The following WDFY4 variants were observed in gnomAD, a reference collection of about 807,000 sequenced individuals.
The protein encoded by WDFY4 is WDFY family member 4, also known as WD repeat- and FYVE domain-containing protein 4.
In WDFY4, 169 loss-of-function variants were observed where a neutral mutation model predicts 351.9. The ratio of observed to expected loss-of-function variants is 0.48; its 90% CI spans 0.42 to 0.55. The LOEUF (loss-of-function observed/expected upper bound fraction) is 0.55, where lower values mean the gene tolerates loss of function less well. WDFY4 is among the 20% of genes least tolerant of loss of function. The probability of loss-of-function intolerance (pLI) is 0.00; values close to 1 mark genes in which losing one functional copy is unlikely to be tolerated. For synonymous variants in WDFY4, 1,622 were observed against 1,574.6 expected (o/e 1.03, Z -0.71); for missense variants, 3,803 against 3,935.6 (o/e 0.97, Z 0.90).
rs1311639409 is a variant in WDFY4 at position 48,805,297 on chromosome 10, C to G, written c.4522C>G (p.Gln1508Glu). ...GAATGCTGAAGCTGCCCACCAGGCA[C>G]AGCTTATACCCAAGCTCATCTTCCT... ...PRNAEAAHQA[Q>E]LIPKLIFLFN... Residue 1508 changes from glutamine to glutamate, a missense_variant, in exon 26 of 62, where the codon CAG (glutamine) becomes GAG (glutamate). Around this residue, in one of 3 missense-constraint regions of WDFY4, gnomAD observed 3,054 missense variants for 3,148.6 expected, o/e 0.97. Coordinates refer to ENST00000325239, the MANE Select transcript of WDFY4 (RefSeq NM_001394531.1). The G allele has an allele frequency of 6.5e-7, 1 of 1,546,940 alleles. No individual in the cohort carries two copies. The highest frequency in any genetic ancestry group is 2.4e-5 in the East Asian group (1 of 40,916).
intron 1 of WDFY4, among the ~76,000 whole-genome samples, chr10:48,687,471 A>C (rs2063079842): frequency 6.6e-6 from 1 of 152,100 alleles, no homozygotes; most frequent in Admixed American, 6.5e-5. Context: ...ATGTTATAAT[A>C]TTACTTTTTA....
intron 46 of WDFY4, among the ~76,000 whole-genome samples, chr10:48,900,700 C>T (rs1039495249): frequency 3.9e-5 from 6 of 152,120 alleles, no homozygotes; most frequent in African/African-American, 1.4e-4. Context: ...ATCCCAGTTG[C>T]CAATTTTAGT....
chr10:48,883,675 A>G (rs2070346242), intron 43 of WDFY4, among the ~76,000 whole-genome samples: 1 of 152,110 alleles, frequency 6.6e-6, no homozygotes, highest in African/African-American at 2.4e-5. Flanking sequence ...GACACATGGC[A>G]CAGGAGACTT....
intron 8 of WDFY4, among the ~76,000 whole-genome samples, chr10:48,730,462 C>T (rs915502586): frequency 1.3e-5 from 2 of 152,138 alleles, no homozygotes; most frequent in African/African-American, 4.8e-5. Flanking sequence ...AGGCAGGGAG[C>T]TTTCTGACAA....
chr10:48,884,182 C>T (rs2070365749), intron 43 of WDFY4: 1 of 152,050 alleles, frequency 6.6e-6, no homozygotes, highest in Non-Finnish European at 1.5e-5. Flanking sequence ...TAGAAATGAT[C>T]CGCTCAAAGG....
At chr10:48,699,614 C>A (rs2063425289) in intron 1 of WDFY4, among the ~76,000 whole-genome samples, 1 of 152,174 alleles carries the variant, frequency 6.6e-6, no homozygotes, top group Non-Finnish European at 1.5e-5. Flanking sequence ...AATGGTATCC[C>A]TAATGTCCAC....
At chr10:48,736,140 G>T (rs2064657025) in intron 11 of WDFY4, 70 bp downstream of exon 11, 1 of 1,529,010 alleles carries the variant, frequency 6.5e-7, no homozygotes, top group Non-Finnish European at 8.9e-7. Context: ...ATTTGCTCAG[G>T]CATTTGTATT....
At chr10:48,764,971 A>T (rs949052817) in intron 13 of WDFY4, among the ~76,000 whole-genome samples, 3 of 152,254 alleles carry the variant, frequency 2.0e-5, no homozygotes, top group Non-Finnish European at 4.4e-5. Flanking sequence ...TGTTTATGCC[A>T]GATCAGGTAG....
At chr10:48,703,323 C>CATGT (rs2063532168) in intron 1 of WDFY4, among the ~76,000 whole-genome samples, 1 of 152,154 alleles carries the variant, frequency 6.6e-6, no homozygotes, top group African/African-American at 2.4e-5. Context: ...GCCATGCATG[C>CATGT]GAAGCCACTA....
At chr10:48,941,471 C>G (rs116772620) in intron 47 of WDFY4, among the ~76,000 whole-genome samples, 1 of 152,014 alleles carries the variant, frequency 6.6e-6, no homozygotes, top group Non-Finnish European at 1.5e-5. Flanking sequence ...TAAAGAAGGC[C>G]GAGATGTGGC....
intron 44 of WDFY4, among the ~76,000 whole-genome samples, chr10:48,893,594 C>T (rs1337176432): frequency 6.6e-6 from 1 of 152,222 alleles, no homozygotes; most frequent in Non-Finnish European, 1.5e-5. Context: ...TTATGCTCAG[C>T]ACTATGGTGG....
chr10:48,815,345 CCT>C (rs148004635), intron 31 of WDFY4, among the ~76,000 whole-genome samples: 52 of 151,966 alleles, frequency 3.4e-4, no homozygotes, highest in African/African-American at 1.2e-3. Flanking sequence ...TATTTATTTT[CCT>C]CTCTCTCTAT....
chr10:48,982,878 GA>G lies in WDFY4; in HGVS notation c.*314del, dbSNP rs61366126. On this transcript the variant is annotated 3_prime_UTR_variant, in exon 62 of 62. Transcript: ENST00000325239. ...TCACCTTATTAAGGGCTATTGCACT[GA>G]AAAAAAAAAAGATGGGTCGCTTACT... 335 of 303,222 alleles carry G rather than the reference GA, an allele frequency of 1.1e-3. No homozygotes were observed. The highest frequency in any genetic ancestry group is 1.6e-3 in the South Asian group (54 of 34,266). 18.8% of individuals were successfully genotyped at this position (303,222 alleles called of 1,614,324 possible). A position where few individuals can be genotyped will look rare whatever the true frequency, so the allele number is the denominator to read the frequency against.
intron 47 of WDFY4, among the ~76,000 whole-genome samples, chr10:48,914,869 G>T (rs558075639): frequency 2.6e-5 from 4 of 152,168 alleles, no homozygotes; most frequent in African/African-American, 9.7e-5. Flanking sequence ...GAGCACACAG[G>T]GGGATGGGGG....
In WDFY4 at chr10:48,733,972, G is replaced by A. The variant is rs373185052; in HGVS notation, c.1624G>A (p.Glu542Lys). 4.5e-6 allele frequency: 7 copies of A among 1,551,734 alleles called. No individual in the cohort carries two copies. In the African/African-American group the frequency reaches 8.2e-5, roughly 18 times the overall value. The change falls in exon 10 of 62, where the codon GAA (glutamate) becomes AAA (lysine). Residue 542 changes from glutamate to lysine, a missense_variant. Around this residue, in one of 3 missense-constraint regions of WDFY4, gnomAD observed 261 missense variants for 330.2 expected, o/e 0.79. Coordinates refer to ENST00000325239, the MANE Select transcript of WDFY4 (RefSeq NM_001394531.1). Reference sequence around the variant, plus strand: ...TCCTGGTGTTCAGGATCCAGAAAGAGAACTCACCTGTGTGATGCTGAGGAT... The same window carrying A: ...TCCTGGTGTTCAGGATCCAGAAAGAAAACTCACCTGTGTGATGCTGAGGAT... ...STPGVQDPER[E>K]LTCVMLRIVV...
intron 28 of WDFY4, among the ~76,000 whole-genome samples, chr10:48,809,148 C>T (rs866280631): frequency 1.9e-4 from 29 of 151,498 alleles, no homozygotes; most frequent in Admixed American, 3.9e-4. Context: ...ACCATCACCA[C>T]CACCATCACC....
At chr10:48,789,405 G>A (rs1177381770) in intron 21 of WDFY4, among the ~76,000 whole-genome samples, 1 of 152,228 alleles carries the variant, frequency 6.6e-6, no homozygotes, top group Non-Finnish European at 1.5e-5. Context: ...TGTTGATCAT[G>A]AAAGTTGTGG....
intron 24 of WDFY4, among the ~76,000 whole-genome samples, chr10:48,796,979 T>C (rs998685218): frequency 6.6e-6 from 1 of 152,152 alleles, no homozygotes; most frequent in Admixed American, 6.6e-5. Flanking sequence ...GTACTGGCCA[T>C]GTCCTGGAGA....
At position 48,731,435 on chromosome 10, in the gene WDFY4, G is replaced by A. The variant is rs1232603660; in HGVS notation, c.1455G>A (p.Met485Ile). 4 of 1,551,746 alleles carry A rather than the reference G, an allele frequency of 2.6e-6. No individual in the cohort carries two copies. The highest frequency in any genetic ancestry group is 2.0e-5 in the Admixed American group (1 of 51,012). Residue 485 changes from methionine (M) to isoleucine (I), a missense_variant, in exon 9 of 62, where the codon ATG (methionine) becomes ATA (isoleucine). This residue lies in a region of WDFY4 where 261 missense variants were observed against 330.2 expected (regional missense o/e 0.79). Transcript: ENST00000325239. Reference protein sequence around the residue: ...KESPGPSCTLMALQSILSIAG... With the variant: ...KESPGPSCTLIALQSILSIAG... Reference sequence around the variant, plus strand: ...GCCCTGGGCCATCCTGCACCCTCATGGCCCTGCAGAGCATCCTCAGCATCG... The same window carrying A: ...GCCCTGGGCCATCCTGCACCCTCATAGCCCTGCAGAGCATCCTCAGCATCG...
Sources: gnomAD v4.1 joint callset for allele counts (sites outside exome capture counted in the v4.1 genomes callset) on GRCh38, gnomAD v4.1.1 for gene constraint, gnomAD v4.1.1 regional missense constraint, MANE v1.5 for transcripts, NCBI Gene and HGNC (gene_info 2026-07-23, HGNC 2026-07-21) for gene names.